DMD: variants seen among roughly 807,000 people sequenced by gnomAD.
DMD encodes mutant dystrophin.
Under a neutral mutation model 330.1 loss-of-function variants are expected in DMD, and 63 were observed. The ratio of observed to expected loss-of-function variants is 0.19; its 90% CI spans 0.16 to 0.24. DMD has a LOEUF of 0.24. Ranked by LOEUF, DMD falls within the 10% of genes least tolerant of loss-of-function variation. The probability of loss-of-function intolerance (pLI) is 1.00; values close to 1 mark genes in which losing one functional copy is unlikely to be tolerated. For synonymous variants in DMD, 1,223 were observed against 959.8 expected (o/e 1.27, Z -5.07); for missense variants, 3,344 against 2,684.1 (o/e 1.25, Z -5.43).
intron 57 of DMD, among the ~76,000 whole-genome samples, chrX:31,488,020 T>G (rs1035012491): frequency 3.6e-5 from 4 of 112,231 alleles, no homozygotes; most frequent in Non-Finnish European, 5.6e-5. Context: ...ACAAAGATTG[T>G]ATTCTCTGAG....
intron 51 of DMD, among the ~76,000 whole-genome samples, chrX:31,758,032 T>C (rs1250370533): frequency 9.1e-6 from 1 of 110,468 alleles, no homozygotes; most frequent in Non-Finnish European, 1.9e-5. Flanking sequence ...CCCTACACGT[T>C]GACCCCAAGA....
chrX:31,433,448 T>TTTTC (rs765497906), intron 60 of DMD, among the ~76,000 whole-genome samples: 1 of 108,461 alleles, frequency 9.2e-6, no homozygotes, highest in African/African-American at 3.4e-5. Context: ...TAGTTCTTTT[T>TTTTC]TTTCTTTCTT....
intron 1 of DMD, among the ~76,000 whole-genome samples, chrX:33,270,742 A>C (rs1252947244): frequency 8.9e-6 from 1 of 112,119 alleles, no homozygotes; most frequent in African/African-American, 3.2e-5. Flanking sequence ...TATAAGCAAA[A>C]TATAAGGGAA....
intron 44 of DMD, among the ~76,000 whole-genome samples, chrX:32,102,474 C>A (rs1432180945): frequency 9.0e-6 from 1 of 111,065 alleles, no homozygotes; most frequent in East Asian, 2.8e-4. Flanking sequence ...AAGTCATTTA[C>A]TTATTTAAAA....
intron 57 of DMD, among the ~76,000 whole-genome samples, chrX:31,483,340 C>T (rs1304951954): frequency 9.0e-6 from 1 of 111,591 alleles, no homozygotes; most frequent in Non-Finnish European, 1.9e-5. Context: ...GCCACCACGC[C>T]CGGCCGGAAA....
At chrX:32,188,928 C>T (rs1176227313) in intron 44 of DMD, among the ~76,000 whole-genome samples, 1 of 110,384 alleles carries the variant, frequency 9.1e-6, no homozygotes, top group Non-Finnish European at 1.9e-5. Flanking sequence ...CCTACGTAGT[C>T]AATTTTTGCT....
intron 44 of DMD, among the ~76,000 whole-genome samples, chrX:31,994,405 G>T (rs1178290344): frequency 1.8e-5 from 2 of 111,695 alleles, no homozygotes; most frequent in Non-Finnish European, 3.8e-5. Flanking sequence ...TCCCATGAAC[G>T]CTGTCCCTTC....
intron 55 of DMD, among the ~76,000 whole-genome samples, chrX:31,548,563 T>G (rs1003622765): frequency 1.9e-5 from 2 of 107,978 alleles, no homozygotes; most frequent in African/African-American, 6.7e-5. Context: ...TTTTTCTTTT[T>G]TTTTTTTTTT....
intron 2 of DMD, among the ~76,000 whole-genome samples, chrX:33,009,968 A>ATG (rs762612057): frequency 7.2e-5 from 4 of 55,610 alleles, no homozygotes; most frequent in Admixed American, 5.7e-4. Flanking sequence ...ATATACACAT[A>ATG]TGTGTGTATA....
intron 48 of DMD, among the ~76,000 whole-genome samples, chrX:31,868,978 T>G (rs1290032877): frequency 1.8e-5 from 2 of 110,712 alleles, no homozygotes; most frequent in African/African-American, 6.6e-5. Flanking sequence ...GCCATAAACC[T>G]ATGCGTTACC....
Position 33,049,140 on chromosome X carries a change from C to G in DMD, c.32-28940G>C, listed in dbSNP as rs185714681. Among the ~76,000 whole-genome samples the G allele has an allele frequency of 6.3e-3, 704 of 111,882 alleles. 3 individuals are homozygous for G. The highest frequency in any genetic ancestry group is 0.016 in the South Asian group (42 of 2,685). On this transcript the variant is annotated intron_variant, in intron 1 of 78. Coordinates refer to ENST00000357033, the MANE Select transcript of DMD (RefSeq NM_004006.3). ...AAATATGTAGGCATTGTCTACTTAGCCTGAACACTAAAAAGAGTCCTTTCT... is the reference window on the plus strand; with the variant it reads ...AAATATGTAGGCATTGTCTACTTAGGCTGAACACTAAAAAGAGTCCTTTCT...
chrX:32,408,659 T>A (rs1244011114), intron 30 of DMD, among the ~76,000 whole-genome samples: 4 of 111,840 alleles, frequency 3.6e-5, no homozygotes, highest in Admixed American at 9.5e-5. Context: ...AAAGAGGACT[T>A]AATATGGTAA....
chrX:32,865,729 C>T (rs1190492402), intron 2 of DMD, among the ~76,000 whole-genome samples: 2 of 112,580 alleles, frequency 1.8e-5, no homozygotes, highest in African/African-American at 6.5e-5. Context: ...TTTTGACTGA[C>T]ACTTTAACAT....
chrX:32,744,725 C>T (rs2069755295), intron 7 of DMD, among the ~76,000 whole-genome samples: 1 of 111,707 alleles, frequency 9.0e-6, no homozygotes, highest in African/African-American at 3.2e-5. Context: ...AATGAATCTT[C>T]TCCATCCCAA....
chrX:31,626,262 G>T (rs1266974724), intron 55 of DMD, among the ~76,000 whole-genome samples: 1 of 111,647 alleles, frequency 9.0e-6, no homozygotes, highest in Non-Finnish European at 1.9e-5. Flanking sequence ...TGGGGTTACA[G>T]GCATGAGCCA....
At chrX:32,886,680 C>G (rs1289829427) in intron 2 of DMD, among the ~76,000 whole-genome samples, 1 of 109,994 alleles carries the variant, frequency 9.1e-6, no homozygotes, top group Non-Finnish European at 1.9e-5. Flanking sequence ...AAGACTCCGT[C>G]TCAAAAAAAA....
At chrX:32,643,512 A>C (rs1308348035) in intron 11 of DMD, among the ~76,000 whole-genome samples, 1 of 111,377 alleles carries the variant, frequency 9.0e-6, no homozygotes, top group Non-Finnish European at 1.9e-5. Flanking sequence ...CACACCTAAC[A>C]ATATAAATCA....
intron 1 of DMD, among the ~76,000 whole-genome samples, chrX:33,126,044 A>AT (rs1480356226): frequency 9.1e-6 from 1 of 110,059 alleles, no homozygotes; most frequent in African/African-American, 3.3e-5. Context: ...GTCTCAAGAA[A>AT]AAAAAAAAAA....
chrX:32,336,119 T>C (rs1280193898), intron 41 of DMD, among the ~76,000 whole-genome samples: 1 of 110,079 alleles, frequency 9.1e-6, no homozygotes, highest in African/African-American at 3.3e-5. Context: ...TTATATATGT[T>C]ATATGTAACA....
Sources: allele counts gnomAD v4.1 joint callset (sites outside exome capture counted in the v4.1 genomes callset), GRCh38; gene constraint gnomAD v4.1.1; transcripts MANE v1.5; gene names NCBI Gene and HGNC (gene_info 2026-07-23, HGNC 2026-07-21).